Variants in SLC26A5 observed in about 807,000 individuals in gnomAD.
SLC26A5 encodes the protein solute carrier family 26 member 5.
A neutral mutation model predicts 81.0 loss-of-function variants in SLC26A5; 51 were observed. The ratio of observed to expected loss-of-function variants is 0.63; its 90% CI spans 0.50 to 0.80. SLC26A5 has a LOEUF of 0.80. SLC26A5 is among the 30% of genes least tolerant of loss of function. The pLI is 0.00. For missense variants in SLC26A5, 771 were observed against 905.8 expected, an observed-to-expected ratio of 0.85 and a Z score of 1.91; for synonymous variants, 325 against 332.8, an observed-to-expected ratio of 0.98 and a Z score of 0.25.
At chr7:103,364,931 T>C (rs1338848406) in intron 19 of SLC26A5, among the ~76,000 whole-genome samples, 3 of 136,840 alleles carry the variant, frequency 2.2e-5, no homozygotes, top group African/African-American at 8.1e-5. Flanking sequence ...AGTGAGAACA[T>C]AGGTTGTTTT....
chr7:103,421,707 A>G, intron 2 of SLC26A5, 140 bp from the exon 3 acceptor site: 1 of 611,950 alleles, frequency 1.6e-6, no homozygotes, highest in East Asian at 2.8e-5. Flanking sequence ...ATTGATCTGT[A>G]TATAGGAGGC....
intron 9 of SLC26A5, among the ~76,000 whole-genome samples, chr7:103,394,397 C>A (rs916854031): frequency 6.6e-6 from 1 of 152,176 alleles, no homozygotes; most frequent in African/African-American, 2.4e-5. Flanking sequence ...GCTATAAAAC[C>A]TGTTGTCCTT....
At position 103,393,026 on chromosome 7, in the gene SLC26A5, G is replaced by A. The variant is rs769882421; in HGVS notation, c.1012C>T (p.Leu338Phe). The change falls in exon 10 of 20, where the codon CTT becomes TTT. Residue 338 changes from leucine (L) to phenylalanine (F), a missense_variant. By Grantham distance (22) the Leu-to-Phe change is conservative (BLOSUM62 0). Coordinates refer to ENST00000306312, the MANE Select transcript of SLC26A5 (RefSeq NM_198999.3). ...ATGGCAATGGCATCTACGTACACAA[G>A]GTGGAAGAGGCTGGTGTCCGGATTG... is the stretch of plus-strand genomic sequence containing the variant. ...PANPDTSLFH[L>F]VYVDAIAIAI... The A allele has an allele frequency of 3.1e-6, 5 of 1,613,996 alleles. No individual in the cohort carries two copies. In the East Asian group the frequency reaches 8.9e-5, roughly 29 times the overall value.
intron 14 of SLC26A5, among the ~76,000 whole-genome samples, chr7:103,381,761 C>CCA (rs151130633): frequency 0.018 from 2,732 of 150,176 alleles, 81 homozygotes; most frequent in African/African-American, 0.06. Context: ...ACCCCTCATA[C>CCA]CACACACACA....
intron 2 of SLC26A5, among the ~76,000 whole-genome samples, chr7:103,442,459 G>A (rs376702016): frequency 6.6e-6 from 1 of 152,106 alleles, no homozygotes; most frequent in Non-Finnish European, 1.5e-5. Context: ...TATTGAAAAC[G>A]ATTGTATTCT....
At chr7:103,425,412 A>G (rs999720226) in intron 2 of SLC26A5, among the ~76,000 whole-genome samples, 1 of 152,232 alleles carries the variant, frequency 6.6e-6, no homozygotes, top group African/African-American at 2.4e-5. Context: ...TCTTTATAGC[A>G]TCCTAAGATG....
chr7:103,368,102 A>T (rs1803991), intron 19 of SLC26A5: 13 of 1,505,720 alleles, frequency 8.6e-6, no homozygotes, highest in Non-Finnish European at 1.1e-5. Context: ...TCCTAACCTT[A>T]TATAGACTTG....
In SLC26A5 at chr7:103,440,837, T is replaced by C. The variant is rs6955543; in HGVS notation, c.-54+2246A>G. Among the ~76,000 whole-genome samples the C allele has an allele frequency of 5.5e-3, 837 of 152,314 alleles. 8 individuals are homozygous for C. The highest frequency in any genetic ancestry group is 0.019 in the African/African-American group (803 of 41,558). ...GGTAAAGAACTTTACTGCCAGTAGC[T>C]TTCCACTCTAGGAAAAAATATGCTT... On this transcript the variant is annotated intron_variant, in intron 2 of 19. Coordinates refer to ENST00000306312, the MANE Select transcript of SLC26A5 (RefSeq NM_198999.3).
intron 2 of SLC26A5, among the ~76,000 whole-genome samples, chr7:103,432,053 C>T (rs1395959678): frequency 6.6e-6 from 1 of 152,096 alleles, no homozygotes; most frequent in African/African-American, 2.4e-5. Flanking sequence ...GTAGCTAACA[C>T]TACAGGTGCA....
chr7:103,395,422 G>A (rs779136165), intron 9 of SLC26A5, among the ~76,000 whole-genome samples: 39 of 138,780 alleles, frequency 2.8e-4, no homozygotes, highest in Non-Finnish European at 4.9e-4. Context: ...AATAGGGAAA[G>A]GAAGATATTA....
chr7:103,372,823 AC>A (rs1821110576), downstream of SLC26A5, among the ~76,000 whole-genome samples: 1 of 151,314 alleles, frequency 6.6e-6, no homozygotes, highest in African/African-American at 2.4e-5. Flanking sequence ...ATGGATTGAA[AC>A]CCATTAAAAC....
At chr7:103,365,081 AG>A (rs1297797623) in intron 19 of SLC26A5, among the ~76,000 whole-genome samples, 1 of 151,134 alleles carries the variant, frequency 6.6e-6, no homozygotes, top group Non-Finnish European at 1.5e-5. Context: ...GCGTGAGTTG[AG>A]GTATCCTTTT....
intron 4 of SLC26A5, among the ~76,000 whole-genome samples, chr7:103,414,806 G>A (rs1239853999): frequency 1.3e-5 from 2 of 152,188 alleles, no homozygotes; most frequent in Non-Finnish European, 2.9e-5. Context: ...TTAGGCAGCA[G>A]TCTTCACAAA....
At chr7:103,362,424 A>G (rs1820464250) in intron 19 of SLC26A5, 7 of 1,353,958 alleles carry the variant, frequency 5.2e-6, no homozygotes, top group Non-Finnish European at 5.7e-6. Context: ...TATAGAATAC[A>G]TAACAACTCA....
chr7:103,388,193 GT>G (rs897201043), intron 14 of SLC26A5, among the ~76,000 whole-genome samples: 5,038 of 114,914 alleles, frequency 0.044, 73 homozygotes, highest in Non-Finnish European at 0.065. Context: ...AGCCCATAAA[GT>G]TTTTTTTTTT....
chr7:103,371,167 G>A (rs1356903497), downstream of SLC26A5, among the ~76,000 whole-genome samples: 2 of 152,164 alleles, frequency 1.3e-5, no homozygotes, highest in Non-Finnish European at 2.9e-5. Context: ...AAATGCACTC[G>A]TTCTCAGATG....
In SLC26A5 at chr7:103,374,309, GA is replaced by G; in HGVS notation, c.*89del. 1.5e-5 allele frequency: 23 copies of G among 1,552,020 alleles called. No individual in the cohort carries two copies. Among genetic ancestry groups the G allele is most frequent in the South Asian group, 1.3e-4 (11 of 83,746 alleles). ...CCTGGACTACTAGTATTCACCCTTA[GA>G]AAAAAAAATCTAGCGTCTAGTATTT... is the stretch of plus-strand genomic sequence containing the variant. On this transcript the variant is annotated 3_prime_UTR_variant, in exon 20 of 20. Coordinates refer to ENST00000306312, the MANE Select transcript of SLC26A5 (RefSeq NM_198999.3).
intron 19 of SLC26A5, among the ~76,000 whole-genome samples, chr7:103,360,439 A>G (rs756377200): frequency 3.9e-5 from 6 of 152,176 alleles, no homozygotes; most frequent in South Asian, 2.1e-4. Flanking sequence ...AGTCCTTCAC[A>G]CAATTATGCT....
chr7:103,425,034 C>T (rs1825617338), intron 2 of SLC26A5, among the ~76,000 whole-genome samples: 1 of 152,184 alleles, frequency 6.6e-6, no homozygotes, highest in Non-Finnish European at 1.5e-5. Flanking sequence ...ACACTTAAAA[C>T]ACTAGGTATC....
Sources: gnomAD v4.1 joint callset for allele counts (sites outside exome capture counted in the v4.1 genomes callset) on GRCh38, gnomAD v4.1.1 for gene constraint, MANE v1.5 for transcripts, NCBI Gene and HGNC (gene_info 2026-07-23, HGNC 2026-07-21) for gene names.